Variants in GPC5 observed in about 807,000 individuals in gnomAD.
GPC5 encodes glypican-5.
A neutral mutation model predicts 53.9 loss-of-function variants in GPC5; 47 were observed. The observed-to-expected ratio is 0.87, with a 90% CI of 0.69 to 1.11. GPC5 has a LOEUF of 1.11. Ranked by LOEUF, GPC5 falls within the 50% of genes most tolerant of loss-of-function variation. The pLI, the probability that GPC5 is intolerant of heterozygous loss-of-function variation, is 0.00. For synonymous variants in GPC5, 286 were observed against 263.3 expected (o/e 1.09, Z -0.84); for missense variants, 748 against 713.1 (o/e 1.05, Z -0.56).
intron 5 of GPC5, among the ~76,000 whole-genome samples, chr13:91,761,555 A>C (rs1049062474): frequency 2.0e-5 from 3 of 152,190 alleles, no homozygotes; most frequent in Non-Finnish European, 4.4e-5. Flanking sequence ...GGGTTTCTAC[A>C]ACCCCCTCTT....
At chr13:91,849,671 T>TAGAATTTC (rs1442259756) in intron 5 of GPC5, among the ~76,000 whole-genome samples, 2 of 152,212 alleles carry the variant, frequency 1.3e-5, no homozygotes, top group Non-Finnish European at 2.9e-5. Context: ...GAGTTTCTGA[T>TAGAATTTC]AGAATTTCAG....
chr13:91,640,317 C>A (rs902541144), intron 2 of GPC5, among the ~76,000 whole-genome samples: 2 of 152,024 alleles, frequency 1.3e-5, no homozygotes, highest in African/African-American at 4.8e-5. Flanking sequence ...AAAAAGTGGG[C>A]AAAAGACATG....
At chr13:92,567,029 C>A (rs576434338) in intron 7 of GPC5, among the ~76,000 whole-genome samples, 1 of 152,140 alleles carries the variant, frequency 6.6e-6, no homozygotes, top group Admixed American at 6.6e-5. Context: ...TTGATGCCAT[C>A]TACAAAGACA....
chr13:91,921,050 C>A (rs2039708886), intron 6 of GPC5, among the ~76,000 whole-genome samples: 1 of 148,370 alleles, frequency 6.7e-6, no homozygotes, highest in African/African-American at 2.5e-5. Flanking sequence ...GATTCTTAAG[C>A]CTCAGCCTCC....
intron 7 of GPC5, among the ~76,000 whole-genome samples, chr13:92,557,010 T>C (rs1390873905): frequency 6.6e-6 from 1 of 151,906 alleles, no homozygotes; most frequent in East Asian, 1.9e-4. Flanking sequence ...TTTTAATCTT[T>C]GCAATAGTCA....
At chr13:92,306,277 C>T (rs565803603) in intron 7 of GPC5, among the ~76,000 whole-genome samples, 51 of 152,294 alleles carry the variant, frequency 3.3e-4, no homozygotes, top group African/African-American at 1.2e-3. Flanking sequence ...CCTTTCCTTA[C>T]TTGGGTATCC....
At chr13:91,422,593 G>A (rs1293555961) in intron 1 of GPC5, among the ~76,000 whole-genome samples, 3 of 152,050 alleles carry the variant, frequency 2.0e-5, no homozygotes, top group African/African-American at 7.2e-5. Context: ...CCCAGATCAC[G>A]CCATTGCATT....
intron 6 of GPC5, among the ~76,000 whole-genome samples, chr13:92,055,290 G>A (rs907449075): frequency 2.6e-5 from 4 of 152,134 alleles, no homozygotes; most frequent in Non-Finnish European, 5.9e-5. Flanking sequence ...AAGTGACTTT[G>A]TATTTTGAGA....
chr13:91,399,136 C>G lies in GPC5; in HGVS notation c.90C>G (p.Cys30Trp). ...GSARSEGVQT[C>W]EEVRKLFQWR... The stretch of plus-strand genomic sequence containing the variant: ...CCCGCAGCGAGGGCGTGCAGACCTG[C>G]GAAGAAGTTCGGAAACTTTTCCAGT... The change falls in exon 1 of 8, where the codon TGC (cysteine) becomes TGG (tryptophan). Residue 30 changes from cysteine to tryptophan, a missense_variant. By Grantham distance (215) the Cys-to-Trp change is radical. Transcript: ENST00000377067. 6.2e-7 allele frequency: 1 copy of G among 1,613,200 alleles called. No individual in the cohort carries two copies. Among genetic ancestry groups the G allele is most frequent in the Non-Finnish European group, 8.5e-7 (1 of 1,179,724 alleles).
intron 7 of GPC5, among the ~76,000 whole-genome samples, chr13:92,505,540 A>G (rs1298598574): frequency 3.3e-5 from 5 of 152,064 alleles, no homozygotes; most frequent in African/African-American, 4.8e-5. Flanking sequence ...GTCACTCTTT[A>G]AGGTGGTTGG....
At chr13:91,622,032 A>G (rs2033874545) in intron 2 of GPC5, among the ~76,000 whole-genome samples, 1 of 152,018 alleles carries the variant, frequency 6.6e-6, no homozygotes. Flanking sequence ...GGAAGCATCC[A>G]GCACAGGAGA....
chr13:91,409,541 A>G (rs1480697877), intron 1 of GPC5, among the ~76,000 whole-genome samples: 2 of 152,234 alleles, frequency 1.3e-5, no homozygotes, highest in Non-Finnish European at 2.9e-5. Context: ...TATCTTACAT[A>G]AGGAAAACTA....
At chr13:92,565,437 AC>A (rs1376431105) in intron 7 of GPC5, among the ~76,000 whole-genome samples, 1 of 151,978 alleles carries the variant, frequency 6.6e-6, no homozygotes, top group African/African-American at 2.4e-5. Context: ...AAACCTGCCA[AC>A]CTCACTTCAA....
chr13:92,022,175 T>A (rs1212066780), intron 6 of GPC5, among the ~76,000 whole-genome samples: 1 of 151,912 alleles, frequency 6.6e-6, no homozygotes, highest in East Asian at 1.9e-4. Flanking sequence ...AATTTTTGTA[T>A]TTTTTAGTAG....
intron 2 of GPC5, among the ~76,000 whole-genome samples, chr13:91,566,888 T>C (rs374114501): frequency 3.3e-5 from 5 of 151,892 alleles, no homozygotes; most frequent in South Asian, 2.1e-4. Flanking sequence ...AAATAAACCA[T>C]TTGAAAGATT....
chr13:91,630,048 G>C (rs1015425844), intron 2 of GPC5, among the ~76,000 whole-genome samples: 2 of 152,090 alleles, frequency 1.3e-5, no homozygotes, highest in African/African-American at 4.8e-5. Flanking sequence ...ACACTGAGCT[G>C]ATATACTCAT....
At chr13:91,738,292 T>G (rs1423304257) in intron 4 of GPC5, among the ~76,000 whole-genome samples, 1 of 151,414 alleles carries the variant, frequency 6.6e-6, no homozygotes, top group Non-Finnish European at 1.5e-5. Flanking sequence ...GTAATCAAAA[T>G]GACAAAAAGT....
chr13:92,743,308 G>A (rs1889155834), intron 7 of GPC5, among the ~76,000 whole-genome samples: 1 of 152,098 alleles, frequency 6.6e-6, no homozygotes, highest in Admixed American at 6.6e-5. Context: ...CACATCCCTT[G>A]TAAGTTGGAT....
intron 2 of GPC5, among the ~76,000 whole-genome samples, chr13:91,450,002 G>T (rs1881074155): frequency 6.6e-6 from 1 of 151,922 alleles, no homozygotes; most frequent in Admixed American, 6.6e-5. Context: ...TGAATAATTT[G>T]CTTGGTGTAC....
Sources: allele counts gnomAD v4.1 joint callset (sites outside exome capture counted in the v4.1 genomes callset), GRCh38; gene constraint gnomAD v4.1.1; transcripts MANE v1.5; gene names NCBI Gene and HGNC (gene_info 2026-07-23, HGNC 2026-07-21).